IFNG-AS1: variants seen among roughly 807,000 people sequenced by gnomAD.
IFNG-AS1 encodes the protein IFNG regulatory antisense RNA 1.
intron 2 of IFNG-AS1, among the ~76,000 whole-genome samples, chr12:67,996,542 C>T (rs1019652218): frequency 3.3e-5 from 5 of 152,136 alleles, no homozygotes; most frequent in Non-Finnish European, 7.4e-5. Flanking sequence ...CTGTGTGTCC[C>T]TCCATGCTAT....
intron 4 of IFNG-AS1, chr12:68,020,505 A>G (rs1033258004): frequency 3.3e-5 from 5 of 152,206 alleles, no homozygotes; most frequent in Non-Finnish European, 5.9e-5. Flanking sequence ...TCGCTGGACT[A>G]AAAGTGGAAA....
intron 3 of IFNG-AS1, among the ~76,000 whole-genome samples, chr12:68,007,633 C>T (rs368929529): frequency 6.6e-6 from 1 of 152,192 alleles, no homozygotes; most frequent in Admixed American, 6.5e-5. Flanking sequence ...AAAGTAATCA[C>T]TATAATACAT....
chr12:68,016,478 A>G (rs1285372409), intron 3 of IFNG-AS1, among the ~76,000 whole-genome samples: 3 of 152,084 alleles, frequency 2.0e-5, no homozygotes, highest in East Asian at 1.9e-4. Context: ...TGGTGTCGCT[A>G]TGTTCGAGGT....
At chr12:68,019,428 A>G (rs1482316713) in intron 3 of IFNG-AS1, among the ~76,000 whole-genome samples, 1 of 152,206 alleles carries the variant, frequency 6.6e-6, no homozygotes, top group Non-Finnish European at 1.5e-5. Context: ...ATTCAAACCC[A>G]GGCAGCTGGG....
intron 3 of IFNG-AS1, among the ~76,000 whole-genome samples, chr12:68,011,324 T>C (rs766901483): frequency 1.3e-5 from 2 of 152,214 alleles, no homozygotes; most frequent in African/African-American, 4.8e-5. Flanking sequence ...GGTTCAATCA[T>C]TCAACAATTT....
At chr12:67,990,071 T>C (rs1024250702) in intron 1 of IFNG-AS1, among the ~76,000 whole-genome samples, 3 of 152,204 alleles carry the variant, frequency 2.0e-5, no homozygotes, top group African/African-American at 7.2e-5. Flanking sequence ...TCACATATCA[T>C]AGGTCTTGGA....
chr12:68,009,647 A>T (rs1200158252), intron 3 of IFNG-AS1, among the ~76,000 whole-genome samples: 1 of 152,118 alleles, frequency 6.6e-6, no homozygotes, highest in African/African-American at 2.4e-5. Context: ...GGCCTGGAAC[A>T]GTTTTTAAAG....
chr12:68,009,277 G>A (rs1879972156), intron 3 of IFNG-AS1, among the ~76,000 whole-genome samples: 1 of 152,226 alleles, frequency 6.6e-6, no homozygotes, highest in South Asian at 2.1e-4. Flanking sequence ...TAAGAACTCA[G>A]ATGCATCAGT....
intron 3 of IFNG-AS1, among the ~76,000 whole-genome samples, chr12:68,019,082 T>C (rs1036036134): frequency 1.3e-5 from 2 of 152,224 alleles, no homozygotes; most frequent in Admixed American, 1.3e-4. Flanking sequence ...GAGGGAAAAG[T>C]TAAAGAGGAC....
At chr12:67,993,280 C>A (rs1164856779) in intron 1 of IFNG-AS1, among the ~76,000 whole-genome samples, 1 of 152,142 alleles carries the variant, frequency 6.6e-6, no homozygotes, top group African/African-American at 2.4e-5. Flanking sequence ...TTCTTTCACT[C>A]GGACAGGATT....
intron 2 of IFNG-AS1, among the ~76,000 whole-genome samples, chr12:67,998,454 G>GAAAAAT (rs1278577791): frequency 1.3e-5 from 2 of 150,332 alleles, no homozygotes; most frequent in East Asian, 3.9e-4. Flanking sequence ...AAAAGAAAAA[G>GAAAAAT]AAAAAGAAAG....
chr12:68,009,824 C>T (rs959138718), intron 3 of IFNG-AS1, among the ~76,000 whole-genome samples: 8 of 152,070 alleles, frequency 5.3e-5, no homozygotes, highest in Non-Finnish European at 1.0e-4. Context: ...AGAGATACAC[C>T]AGGGAAGCAG....
At chr12:68,019,410 G>A (rs1479396418) in intron 3 of IFNG-AS1, among the ~76,000 whole-genome samples, 12 of 152,140 alleles carry the variant, frequency 7.9e-5, no homozygotes, top group Non-Finnish European at 5.9e-5. Context: ...CTAAAGAGCC[G>A]AGCCAGAATT....
chr12:67,990,785 G>C (rs1165236370), intron 1 of IFNG-AS1, among the ~76,000 whole-genome samples: 1 of 151,898 alleles, frequency 6.6e-6, no homozygotes, highest in Non-Finnish European at 1.5e-5. Context: ...GTAGAGATGG[G>C]GTTTCCCTAT....
intron 2 of IFNG-AS1, among the ~76,000 whole-genome samples, chr12:68,004,264 T>C (rs1879856086): frequency 6.6e-6 from 1 of 152,230 alleles, no homozygotes; most frequent in African/African-American, 2.4e-5. Context: ...TATTCAGTAC[T>C]AAAGTCTCTT....
chr12:68,016,248 G>A (rs1880153953), intron 3 of IFNG-AS1, among the ~76,000 whole-genome samples: 1 of 152,126 alleles, frequency 6.6e-6, no homozygotes, highest in Admixed American at 6.6e-5. Context: ...GTGGAGTCAT[G>A]CTCCACATAG....
chr12:68,002,536 T>C (rs1472991074), intron 2 of IFNG-AS1, among the ~76,000 whole-genome samples: 1 of 152,232 alleles, frequency 6.6e-6, no homozygotes, highest in African/African-American at 2.4e-5. Context: ...GGTGGATTAC[T>C]TATTTTAATG....
chr12:67,998,701 A>G (rs1879698779), intron 2 of IFNG-AS1, among the ~76,000 whole-genome samples: 1 of 152,148 alleles, frequency 6.6e-6, no homozygotes, highest in Non-Finnish European at 1.5e-5. Flanking sequence ...ACAATAACAA[A>G]TGAGCCTAAC....
chr12:68,003,964 T>TGTAAGCTTTGGTATGCCGGG (rs57502767), intron 2 of IFNG-AS1, among the ~76,000 whole-genome samples: 1 of 150,724 alleles, frequency 6.6e-6, no homozygotes, highest in Non-Finnish European at 1.5e-5. Context: ...TATGTTGGTT[T>TGTAAGCTTTGGTATGCCGGG]GTATGTGGCA....
Sources: gnomAD v4.1 joint callset for allele counts (sites outside exome capture counted in the v4.1 genomes callset) on GRCh38, gnomAD v4.1.1 for gene constraint, MANE v1.5 for transcripts, NCBI Gene and HGNC (gene_info 2026-07-23, HGNC 2026-07-21) for gene names.